Variants in PNISR observed in about 807,000 individuals in gnomAD.
The protein encoded by PNISR is PNN interacting serine and arginine rich protein.
Under a neutral mutation model 93.4 loss-of-function variants are expected in PNISR, and 20 were observed. The ratio of observed to expected loss-of-function variants is 0.21; its 90% CI spans 0.15 to 0.31. The LOEUF is 0.31. PNISR is among the 10% of genes least tolerant of loss of function. PNISR has a pLI of 1.00. For missense variants in PNISR, 893 were observed against 985.4 expected (o/e 0.91, Z 1.25); for synonymous variants, 305 against 306.5 (o/e 0.99, Z 0.05).
intron 6 of PNISR, among the ~76,000 whole-genome samples, chr6:99,408,799 C>T (rs959361434): frequency 2.0e-5 from 3 of 152,128 alleles, no homozygotes; most frequent in African/African-American, 7.2e-5. Flanking sequence ...ATTAATCTGA[C>T]AGCAGTGCAT....
In PNISR at chr6:99,399,528, A is replaced by G. The variant is rs746042530; in HGVS notation, c.*1012T>C. ...TGTTTCAAAATGCTTCTAAAACAGA[A>G]GTGGGTGACTGTAGAATATAGTTCC... is the stretch of plus-strand genomic sequence containing the variant. On this transcript the variant is annotated 3_prime_UTR_variant, in exon 12 of 12. Coordinates refer to ENST00000369239, the MANE Select transcript of PNISR (RefSeq NM_032870.4). 7 of 152,142 alleles carry G rather than the reference A, an allele frequency of 4.6e-5. No individual in the cohort carries two copies. Among genetic ancestry groups the G allele is most frequent in the Non-Finnish European group, 7.4e-5 (5 of 67,974 alleles). The allele number at this position is 152,142 out of a possible 1,614,324, so 9.4% of individuals were successfully genotyped here.
chr6:99,419,814 C>A (rs1471567972), intron 1 of PNISR, among the ~76,000 whole-genome samples: 1 of 151,498 alleles, frequency 6.6e-6, no homozygotes, highest in Non-Finnish European at 1.5e-5. Flanking sequence ...ATACCTGATT[C>A]CTATTTCCAA....
In PNISR at chr6:99,401,056, A is replaced by G; in HGVS notation, c.1902T>C (p.Ser634=). The part of the protein sequence containing the change: ...RDRRTNRASR[S]RSRDRRKIDD... ...CAATTTTACGCCTATCTCGACTCCT[A>G]CTGCGACTGGCACGATTGGTTCGTC... is the stretch of plus-strand genomic sequence containing the variant. The change falls in exon 12 of 12, where the codon AGT becomes AGC. Residue 634 remains serine (S), a synonymous_variant. Transcript: ENST00000369239. 3.1e-6 allele frequency: 5 copies of G among 1,613,416 alleles called. No individual in the cohort carries two copies. The highest frequency in any genetic ancestry group is 4.2e-6 in the Non-Finnish European group (5 of 1,179,888).
intron 10 of PNISR, 176 bp from the exon 11 acceptor site, chr6:99,402,886 C>CA: frequency 2.2e-6 from 1 of 449,484 alleles, no homozygotes; most frequent in East Asian, 3.2e-5. Context: ...ACAGAACCTT[C>CA]AGGCAAAGGT....
chr6:99,402,902 A>G, intron 10 of PNISR, 192 bp from the exon 11 acceptor site: 1 of 430,204 alleles, frequency 2.3e-6, no homozygotes, highest in East Asian at 3.3e-5. Context: ...AAGGTTACTT[A>G]ATATCTTATT....
intron 1 of PNISR, among the ~76,000 whole-genome samples, chr6:99,419,089 G>A (rs1014828297): frequency 4.2e-5 from 6 of 144,386 alleles, no homozygotes; most frequent in Non-Finnish European, 7.5e-5. Flanking sequence ...GGTGGAAGTC[G>A]CAGTGAGCTG....
chr6:99,400,314 G>GA lies in PNISR; in HGVS notation c.*225dup, dbSNP rs974074401. The GA allele has an allele frequency of 2.7e-4, 288 of 1,083,944 alleles. No homozygotes were observed. Among genetic ancestry groups the GA allele is most frequent in the Non-Finnish European group, 3.0e-4 (270 of 891,008 alleles). The allele number at this position is 1,083,944 out of a possible 1,614,324, so 67.1% of individuals were successfully genotyped here. On this transcript the variant is annotated 3_prime_UTR_variant, in exon 12 of 12. Transcript: ENST00000369239. Reference sequence around the variant, plus strand: ...TACGACGGGGAGGGGTTGTTGATCTGAAAAAAAAGGGAAAAGACAAAATTT... The same window carrying GA: ...TACGACGGGGAGGGGTTGTTGATCTGAAAAAAAAAGGGAAAAGACAAAATTT...
chr6:99,419,147 C>A (rs1326385802), intron 1 of PNISR, among the ~76,000 whole-genome samples: 1 of 63,176 alleles, frequency 1.6e-5, no homozygotes, highest in Non-Finnish European at 3.1e-5. Flanking sequence ...AGCGAGACTC[C>A]GTCTCAAAAA....
At position 99,414,612 on chromosome 6, in the gene PNISR, C is replaced by G. The variant is rs1206166581; in HGVS notation, c.48G>C (p.Gln16His). ...GQPWQQWPLN[Q>H]QQWMQSFQHQ... ...GCTGGAATGACTGCATCCATTGTTG[C>G]TGGTTCAAGGGCCACTGCTGCCAAG... The change falls in exon 3 of 12, where the codon CAG becomes CAC. Residue 16 changes from glutamine to histidine, a missense_variant. Gln to His is a conservative substitution (Grantham distance 24). Transcript: ENST00000369239. 6.2e-7 allele frequency: 1 copy of G among 1,607,742 alleles called. No individual in the cohort carries two copies. Among genetic ancestry groups the G allele is most frequent in the African/African-American group, 1.3e-5 (1 of 74,710 alleles).
chr6:99,401,282 C>G lies in PNISR; in HGVS notation c.1676G>C (p.Ser559Thr), dbSNP rs1377206360. 1.2e-6 allele frequency: 2 copies of G among 1,614,112 alleles called. No individual in the cohort carries two copies. Among genetic ancestry groups the G allele is most frequent in the Non-Finnish European group, 1.7e-6 (2 of 1,179,988 alleles). Residue 559 changes from serine (S) to threonine (T), a missense_variant, in exon 12 of 12, where the codon AGT (serine) becomes ACT (threonine). Physicochemically the swap from Ser to Thr is moderately conservative, Grantham distance 58. Transcript: ENST00000369239. The stretch of plus-strand genomic sequence containing the variant: ...TTTGATTGTTGGAGATCTACTCCTA[C>G]TGTGTCTCTTTTTCCTTTTAGGAGA... The part of the protein sequence containing the change: ...SSSPKRKKRH[S>T]RSRSPTIKAR...
chr6:99,412,193 G>C, intron 4 of PNISR: 1 of 472,106 alleles, frequency 2.1e-6, no homozygotes, highest in Non-Finnish European at 4.2e-6. Flanking sequence ...TTAATTAGAG[G>C]CTAGACATGT....
intron 1 of PNISR, among the ~76,000 whole-genome samples, chr6:99,423,571 G>GATAGTATA (rs1380202432): frequency 6.6e-6 from 1 of 152,166 alleles, no homozygotes; most frequent in Non-Finnish European, 1.5e-5. Context: ...TTGATAGTAT[G>GATAGTATA]TATCCTTGAT....
At chr6:99,406,491 T>C (rs941797929) in intron 7 of PNISR, among the ~76,000 whole-genome samples, 16 of 152,280 alleles carry the variant, frequency 1.1e-4, no homozygotes, top group Middle Eastern at 3.4e-3. Flanking sequence ...ATCTATTACA[T>C]ATAATGGGCC....
intron 1 of PNISR, among the ~76,000 whole-genome samples, chr6:99,422,556 G>A (rs1778702581): frequency 6.6e-6 from 1 of 152,154 alleles, no homozygotes. Context: ...TGAAATACTT[G>A]CAGCTTGTAG....
chr6:99,417,601 C>T (rs942532251), intron 1 of PNISR, among the ~76,000 whole-genome samples: 3 of 152,122 alleles, frequency 2.0e-5, no homozygotes, highest in African/African-American at 7.2e-5. Context: ...TGATTAATAT[C>T]AATACTAGAG....
chr6:99,405,856 A>T (rs963680976), intron 8 of PNISR, among the ~76,000 whole-genome samples, 175 bp downstream of exon 8: 11 of 152,318 alleles, frequency 7.2e-5, no homozygotes, highest in South Asian at 2.1e-4. Flanking sequence ...CAAAACATTT[A>T]AAAAAGTCCC....
intron 1 of PNISR, among the ~76,000 whole-genome samples, chr6:99,417,773 C>G (rs1299872632): frequency 2.0e-5 from 3 of 151,996 alleles, no homozygotes; most frequent in Non-Finnish European, 4.4e-5. Flanking sequence ...CAGGACCAGC[C>G]TGACCAACAT....
In PNISR at chr6:99,425,236, C is replaced by T. The variant is rs1231969205; in HGVS notation, c.-133G>A. 3 of 1,232,062 alleles carry T rather than the reference C, an allele frequency of 2.4e-6. No homozygotes were observed. Among genetic ancestry groups the T allele is most frequent in the Non-Finnish European group, 3.0e-6 (3 of 987,962 alleles). 76.3% of individuals were successfully genotyped at this position (1,232,062 alleles called of 1,614,324 possible). On this transcript the variant is annotated 5_prime_UTR_variant, in exon 1 of 12. Coordinates refer to ENST00000369239, the MANE Select transcript of PNISR (RefSeq NM_032870.4). ...TTACCCACTCTAGTTCGGGAACACC[C>T]TTGTCGCCGCCGTTCCGGTAACACC...
chr6:99,410,410 C>T, intron 5 of PNISR: 1 of 230,058 alleles, frequency 4.3e-6, no homozygotes, highest in Non-Finnish European at 8.6e-6. Context: ...TATTCAATTA[C>T]TGTGCATTCT....
Sources: allele counts gnomAD v4.1 joint callset (sites outside exome capture counted in the v4.1 genomes callset), GRCh38; gene constraint gnomAD v4.1.1; transcripts MANE v1.5; gene names NCBI Gene and HGNC (gene_info 2026-07-23, HGNC 2026-07-21).